Variants in GPR39 observed in about 807,000 individuals in gnomAD.
The protein encoded by GPR39 is G protein-coupled receptor 39.
Under a neutral mutation model 18.4 loss-of-function variants are expected in GPR39, and 23 were observed. The observed-to-expected ratio is 1.25, with a 90% CI of 0.90 to 1.77. The LOEUF is 1.77. Among genes scored for constraint, GPR39 ranks in the 40% most tolerant of loss-of-function variants. The probability of loss-of-function intolerance (pLI) is 0.00; values close to 1 mark genes in which losing one functional copy is unlikely to be tolerated. For synonymous variants in GPR39, 280 were observed against 257.9 expected, an observed-to-expected ratio of 1.09 and a Z score of -0.82; for missense variants, 647 against 602.4, an observed-to-expected ratio of 1.07 and a Z score of -0.78.
At chr2:132,552,382 C>A (rs1220203551) in intron 1 of GPR39, among the ~76,000 whole-genome samples, 1 of 152,094 alleles carries the variant, frequency 6.6e-6, no homozygotes, top group Non-Finnish European at 1.5e-5. Flanking sequence ...AACTCTCTTG[C>A]TCTCACTCTG....
intron 1 of GPR39, among the ~76,000 whole-genome samples, chr2:132,643,943 G>A (rs918385326): frequency 1.2e-4 from 18 of 152,190 alleles, no homozygotes; most frequent in African/African-American, 4.3e-4. Context: ...TTCTTACTAC[G>A]ATTGAAATGT....
intron 1 of GPR39, among the ~76,000 whole-genome samples, chr2:132,440,319 A>G (rs1680413374): frequency 6.6e-6 from 1 of 152,180 alleles, no homozygotes; most frequent in African/African-American, 2.4e-5. Context: ...CTGCCCTCAC[A>G]ATAACCTGAA....
At chr2:132,430,413 G>A (rs1475682655) in intron 1 of GPR39, among the ~76,000 whole-genome samples, 1 of 152,168 alleles carries the variant, frequency 6.6e-6, no homozygotes, top group Non-Finnish European at 1.5e-5. Context: ...CTGTGCCAAG[G>A]TTCTTTGACT....
chr2:132,594,152 C>T (rs972537373), intron 1 of GPR39, among the ~76,000 whole-genome samples: 13 of 152,116 alleles, frequency 8.5e-5, no homozygotes, highest in Non-Finnish European at 1.6e-4. Context: ...CACTGGGGGA[C>T]CCGTCATACC....
At position 132,643,555 on chromosome 2, in the gene GPR39, C is replaced by T. The variant is rs142103521; in HGVS notation, c.857-1546C>T. 4.0e-3 allele frequency among the ~76,000 whole-genome samples: 615 copies of T among 152,330 alleles called. 8 individuals carry two copies. The highest frequency in any genetic ancestry group is 0.024 in the Middle Eastern group (7 of 294). On this transcript the variant is annotated intron_variant, in intron 1 of 1. Coordinates refer to ENST00000329321, the MANE Select transcript of GPR39 (RefSeq NM_001508.3). Reference sequence around the variant, plus strand: ...TATTGAGACAGTTTCACTCTGTCAGCCAGGCTGGAGTGCAGTGGCACATTC... The same window carrying T: ...TATTGAGACAGTTTCACTCTGTCAGTCAGGCTGGAGTGCAGTGGCACATTC...
At chr2:132,484,852 G>A (rs967743173) in intron 1 of GPR39, among the ~76,000 whole-genome samples, 2 of 152,240 alleles carry the variant, frequency 1.3e-5, no homozygotes, top group Non-Finnish European at 2.9e-5. Context: ...CGAGTATTAA[G>A]TTCAGGTTGG....
At chr2:132,590,719 C>T (rs1395351656) in intron 1 of GPR39, among the ~76,000 whole-genome samples, 1 of 122,234 alleles carries the variant, frequency 8.2e-6, no homozygotes, top group East Asian at 2.0e-4. Context: ...GTCTGTCTTT[C>T]AGGGATGGAC....
chr2:132,434,593 T>A (rs1019177447), intron 1 of GPR39, among the ~76,000 whole-genome samples: 1 of 152,156 alleles, frequency 6.6e-6, no homozygotes, highest in Non-Finnish European at 1.5e-5. Flanking sequence ...ATAAAGACCT[T>A]TAAGTCTCAT....
chr2:132,622,135 T>C (rs1681453211), intron 1 of GPR39, among the ~76,000 whole-genome samples: 1 of 152,224 alleles, frequency 6.6e-6, no homozygotes, highest in South Asian at 2.1e-4. Flanking sequence ...GGCTTATGCC[T>C]GTAGTACCAG....
chr2:132,544,145 T>C (rs1261013879), intron 1 of GPR39, among the ~76,000 whole-genome samples: 2 of 152,182 alleles, frequency 1.3e-5, no homozygotes, highest in African/African-American at 2.4e-5. Flanking sequence ...TGAGAACATA[T>C]GTTAAGATGT....
chr2:132,477,960 A>G (rs944973313), intron 1 of GPR39, among the ~76,000 whole-genome samples: 1 of 152,254 alleles, frequency 6.6e-6, no homozygotes, highest in African/African-American at 2.4e-5. Flanking sequence ...CTAGAAATTT[A>G]CTAATTTAAA....
At chr2:132,576,544 T>C (rs1224619206) in intron 1 of GPR39, among the ~76,000 whole-genome samples, 4 of 152,064 alleles carry the variant, frequency 2.6e-5, no homozygotes, top group East Asian at 1.9e-4. Context: ...TCCCAGCTAC[T>C]TGGGAGGCTG....
chr2:132,468,369 G>C (rs960736529), intron 1 of GPR39, among the ~76,000 whole-genome samples: 2 of 152,204 alleles, frequency 1.3e-5, no homozygotes, highest in Non-Finnish European at 2.9e-5. Flanking sequence ...AGCTTTTGTG[G>C]AGGGGATAGG....
intron 1 of GPR39, among the ~76,000 whole-genome samples, chr2:132,423,699 A>C (rs757158129): frequency 1.3e-5 from 2 of 152,082 alleles, no homozygotes; most frequent in Non-Finnish European, 2.9e-5. Context: ...ATCCTCCCTG[A>C]CTTCATTAAA....
intron 1 of GPR39, among the ~76,000 whole-genome samples, chr2:132,470,861 G>C (rs997635067): frequency 1.3e-5 from 2 of 152,160 alleles, no homozygotes; most frequent in Non-Finnish European, 2.9e-5. Flanking sequence ...CACTGTTTCT[G>C]TAACCAAGGC....
chr2:132,451,406 G>C (rs1244125481), intron 1 of GPR39, among the ~76,000 whole-genome samples: 1 of 152,108 alleles, frequency 6.6e-6, no homozygotes, highest in East Asian at 1.9e-4. Flanking sequence ...TGCCCATGTT[G>C]CTCATTGCTC....
At chr2:132,498,643 T>C (rs1197030345) in intron 1 of GPR39, among the ~76,000 whole-genome samples, 3 of 152,200 alleles carry the variant, frequency 2.0e-5, no homozygotes, top group African/African-American at 7.2e-5. Flanking sequence ...CTTTGAGGAA[T>C]CTTCACACTG....
intron 1 of GPR39, among the ~76,000 whole-genome samples, chr2:132,586,282 G>T (rs1292422799): frequency 6.6e-6 from 1 of 152,124 alleles, no homozygotes; most frequent in African/African-American, 2.4e-5. Flanking sequence ...AGAGCAGCCT[G>T]TCGGTGATTC....
At position 132,417,484 on chromosome 2, in the gene GPR39, G is replaced by A. The variant is rs767279039; in HGVS notation, c.442G>A (p.Gly148Arg). Residue 148 changes from glycine to arginine, a missense_variant, in exon 1 of 2, where the codon GGA becomes AGA. By Grantham distance (125) the Gly-to-Arg change is moderately radical. Around this residue, in one of 3 missense-constraint regions of GPR39, gnomAD observed 581 missense variants for 506.8 expected, o/e 1.15. Coordinates refer to ENST00000329321, the MANE Select transcript of GPR39 (RefSeq NM_001508.3). ...CCCCTTCAGGTACAAGGCTGTGTCG[G>A]GACCTTGCCAGGTGAAGCTGCTGAT... is the stretch of plus-strand genomic sequence containing the variant. ...CHPFRYKAVS[G>R]PCQVKLLIGF... is the part of the protein sequence containing the mutation. 1 of 1,614,162 alleles carries A rather than the reference G, an allele frequency of 6.2e-7. No individual in the cohort carries two copies. Among genetic ancestry groups the A allele is most frequent in the Admixed American group, 1.7e-5 (1 of 60,026 alleles).
Sources: allele counts gnomAD v4.1 joint callset (sites outside exome capture counted in the v4.1 genomes callset), GRCh38; gene constraint gnomAD v4.1.1; regional missense constraint gnomAD v4.1.1; transcripts MANE v1.5; gene names NCBI Gene and HGNC (gene_info 2026-07-23, HGNC 2026-07-21).